The following EDRF1 variants were observed in gnomAD, a reference collection of about 807,000 sequenced individuals.
EDRF1 encodes the protein erythroid differentiation regulatory factor 1.
EDRF1 carries 69 observed loss-of-function variants against 148.7 expected under a neutral mutation model. That is an observed-to-expected ratio of 0.46 (90% CI 0.38 to 0.57). The LOEUF (loss-of-function observed/expected upper bound fraction) is 0.57. Ranked by LOEUF, EDRF1 falls within the 20% of genes least tolerant of loss-of-function variation. The pLI is 0.00. For missense variants in EDRF1, 1,118 were observed against 1,478.7 expected (o/e 0.76, Z 4.00); for synonymous variants, 515 against 532.8 (o/e 0.97, Z 0.46).
At chr10:125,731,615 C>A (rs1848482450) in intron 9 of EDRF1, among the ~76,000 whole-genome samples, 1 of 152,030 alleles carries the variant, frequency 6.6e-6, no homozygotes, top group African/African-American at 2.4e-5. Flanking sequence ...GAAGGCTTTG[C>A]ATCTAGGAGG....
chr10:125,727,715 CA>C (rs1252936430), intron 6 of EDRF1, among the ~76,000 whole-genome samples: 1 of 152,236 alleles, frequency 6.6e-6, no homozygotes, highest in Non-Finnish European at 1.5e-5. Flanking sequence ...CTGGCACACA[CA>C]GATGACAAGT....
chr10:125,733,977 G>C, intron 11 of EDRF1, 95 bp from the exon 12 acceptor site: 1 of 1,071,690 alleles, frequency 9.3e-7, no homozygotes, highest in Admixed American at 1.8e-5. Flanking sequence ...GTTTCTTATA[G>C]CTCTTTGTTG....
chr10:125,727,474 T>C (rs924982011), intron 6 of EDRF1, among the ~76,000 whole-genome samples: 8 of 152,234 alleles, frequency 5.3e-5, no homozygotes, highest in African/African-American at 1.9e-4. Flanking sequence ...CAGACATTTA[T>C]TGAGAACGTT....
At chr10:125,727,465 A>G (rs750872184) in intron 6 of EDRF1, among the ~76,000 whole-genome samples, 11 of 152,240 alleles carry the variant, frequency 7.2e-5, no homozygotes, top group Non-Finnish European at 1.5e-4. Flanking sequence ...TCCTAGAGCC[A>G]GACATTTATT....
rs1166436329 is a variant in EDRF1, at chr10:125,719,821, A to G, written c.14A>G (p.Lys5Arg). The change falls in exon 1 of 25, where the codon AAG (lysine) becomes AGG (arginine). Residue 5 changes from lysine (K) to arginine (R), a missense_variant. Lys to Arg is a conservative substitution (Grantham distance 26). This residue lies in a region of EDRF1 where 65 missense variants were observed against 50.3 expected (regional missense o/e 1.29). Transcript: ENST00000356792. ...TGGATCGAAGTGATGGGGGATGCCA[A>G]GGAGGCCGGAGCCGAGGGTCCGCCG... MGDA[K>R]EAGAEGPPAG... 5 of 1,611,176 alleles carry G rather than the reference A, an allele frequency of 3.1e-6. No homozygotes were observed. The highest frequency in any genetic ancestry group is 4.2e-6 in the Non-Finnish European group (5 of 1,179,050).
In EDRF1 at chr10:125,729,398, T is replaced by C. The variant is rs1848400217; in HGVS notation, c.935T>C (p.Phe312Ser). The change falls in exon 8 of 25, where the codon TTT becomes TCT. Residue 312 changes from phenylalanine to serine, a missense_variant. Phe to Ser is a radical substitution (Grantham distance 155). Transcript: ENST00000356792. ...TTTGTTCGGAATATTCTATGGACAT[T>C]TGAAGATATCCATATGTTGGTCGGC... ...NDFVRNILWT[F>S]EDIHMLVGSN... 1 of 1,613,098 alleles carries C rather than the reference T, an allele frequency of 6.2e-7. No homozygotes were observed. The highest frequency in any genetic ancestry group is 8.5e-7 in the Non-Finnish European group (1 of 1,179,048).
At chr10:125,759,977 C>T (rs527399552) in intron 24 of EDRF1, among the ~76,000 whole-genome samples, 2 of 152,264 alleles carry the variant, frequency 1.3e-5, no homozygotes, top group African/African-American at 4.8e-5. Flanking sequence ...CCCAAAGTGC[C>T]GGGATTACAA....
intron 24 of EDRF1, chr10:125,757,116 G>T: frequency 2.7e-6 from 1 of 364,038 alleles, no homozygotes. Flanking sequence ...CCTGGCCCAA[G>T]GGTCTTGCTT....
At chr10:125,744,681 T>C (rs576771315) in intron 18 of EDRF1, 2 of 152,330 alleles carry the variant, frequency 1.3e-5, no homozygotes, top group South Asian at 4.1e-4. Flanking sequence ...TCAGACTCCA[T>C]GGGGACCACG....
chr10:125,758,174 C>A (rs1850005605), intron 24 of EDRF1, among the ~76,000 whole-genome samples: 1 of 152,198 alleles, frequency 6.6e-6, no homozygotes, highest in Non-Finnish European at 1.5e-5. Flanking sequence ...TTCCTTATTT[C>A]TAGCAATTGC....
intron 23 of EDRF1, 93 bp downstream of exon 23, chr10:125,753,007 A>G (rs1359674933): frequency 2.4e-6 from 2 of 829,528 alleles, no homozygotes; most frequent in South Asian, 2.8e-5. Flanking sequence ...GTGTGTGGGT[A>G]TATATACACA....
At chr10:125,751,059 A>G (rs1033981608) in intron 22 of EDRF1, among the ~76,000 whole-genome samples, 2 of 152,080 alleles carry the variant, frequency 1.3e-5, no homozygotes, top group African/African-American at 4.8e-5. Flanking sequence ...GGCTCTAGTG[A>G]TCCTCAGCCT....
chr10:125,735,947 T>C, intron 13 of EDRF1, 43 bp downstream of exon 13: 1 of 1,527,740 alleles, frequency 6.5e-7, no homozygotes, highest in Non-Finnish European at 9.0e-7. Flanking sequence ...CAAGGAAACA[T>C]AATTGTTAAT....
Position 125,753,686 on chromosome 10 carries a change from G to GT in EDRF1, c.3394-3dup, listed in dbSNP as rs1564752425. Reference sequence around the variant, plus strand: ...AGCTCGAGTAAAATAACTTTTTGTTGTTTTTAGCCTAAGAGTGGTGACGCC... The same window carrying GT: ...AGCTCGAGTAAAATAACTTTTTGTTGTTTTTTAGCCTAAGAGTGGTGACGCC... On this transcript the variant is annotated splice_region_variant and splice_polypyrimidine_tract_variant and intron_variant, in intron 23 of 24. Transcript: ENST00000356792. 3 of 1,613,990 alleles carry GT rather than the reference G, an allele frequency of 1.9e-6. No homozygotes were observed. The South Asian group carries it at 3.3e-5, about 18-fold the overall frequency.
At chr10:125,734,559 A>G (rs973574760) in intron 12 of EDRF1, among the ~76,000 whole-genome samples, 1 of 152,148 alleles carries the variant, frequency 6.6e-6, no homozygotes, top group Admixed American at 6.5e-5. Flanking sequence ...CTGCTCAATG[A>G]ATTTAGAATT....
intron 14 of EDRF1, 145 bp from the exon 15 acceptor site, chr10:125,738,150 T>C (rs1848830461): frequency 7.2e-7 from 1 of 1,386,556 alleles, no homozygotes. Context: ...TTCCCAAATC[T>C]TTCAGATCAA....
intron 8 of EDRF1, 58 bp from the exon 9 acceptor site, chr10:125,730,230 T>A: frequency 7.7e-7 from 1 of 1,304,156 alleles, no homozygotes; most frequent in Non-Finnish European, 1.1e-6. Flanking sequence ...AACTTTCAGA[T>A]GATTAATTAA....
intron 15 of EDRF1, among the ~76,000 whole-genome samples, chr10:125,739,679 CTGATTAAAAAATGAGAA>C (rs1848915554): frequency 6.6e-6 from 1 of 152,144 alleles, no homozygotes; most frequent in African/African-American, 2.4e-5. Flanking sequence ...TGTGTTCTAG[CTGATTAAAAAATGAGAA>C]ACCTTCAGGC....
At chr10:125,749,329 G>T (rs1849529766) in intron 21 of EDRF1, 83 bp from the exon 22 acceptor site, 2 of 1,511,636 alleles carry the variant, frequency 1.3e-6, no homozygotes, top group African/African-American at 1.4e-5. Flanking sequence ...ACCCACAGTG[G>T]GGGAAAAATA....
Sources: allele counts gnomAD v4.1 joint callset (sites outside exome capture counted in the v4.1 genomes callset), GRCh38; gene constraint gnomAD v4.1.1; regional missense constraint gnomAD v4.1.1; transcripts MANE v1.5; gene names NCBI Gene and HGNC (gene_info 2026-07-23, HGNC 2026-07-21).